CHRNA7: variants seen among roughly 807,000 people sequenced by gnomAD.
The protein encoded by CHRNA7 is neuronal acetylcholine receptor subunit alpha-7.
A neutral mutation model predicts 48.0 loss-of-function variants in CHRNA7; 17 were observed. That is an observed-to-expected ratio of 0.35 (90% CI 0.24 to 0.53). The LOEUF (loss-of-function observed/expected upper bound fraction) is 0.53. Among genes scored for constraint, CHRNA7 ranks in the 20% least tolerant of loss-of-function variants. The pLI is 0.92. For synonymous variants in CHRNA7, 75 were observed against 242.3 expected (o/e 0.31, Z 6.41); for missense variants, 155 against 577.7 (o/e 0.27, Z 7.50).
At chr15:32,103,466 G>A (rs549124598) in intron 3 of CHRNA7, among the ~76,000 whole-genome samples, 1 of 151,952 alleles carries the variant, frequency 6.6e-6, no homozygotes, top group South Asian at 2.1e-4. Flanking sequence ...GCCATTGCTA[G>A]GTCTCCAAGG....
chr15:32,133,350 T>C (rs757846492), intron 4 of CHRNA7, among the ~76,000 whole-genome samples: 9 of 152,164 alleles, frequency 5.9e-5, no homozygotes, highest in Non-Finnish European at 1.2e-4. Context: ...TACGTAAAAC[T>C]GTTAGAAGGA....
chr15:32,111,954 A>G, intron 4 of CHRNA7, 55 bp downstream of exon 4: 2 of 1,004,600 alleles, frequency 2.0e-6, no homozygotes, highest in South Asian at 2.5e-5. Context: ...ACATGTAGCT[A>G]TCACGTATAT....
At chr15:32,163,028 A>G in intron 8 of CHRNA7, 198 bp from the exon 9 acceptor site, 1 of 181,836 alleles carries the variant, frequency 5.5e-6, no homozygotes, top group Non-Finnish European at 9.9e-6. Context: ...AAGTGAGGGA[A>G]GGTCACTCCG....
chr15:32,050,341 G>A (rs560116180), intron 2 of CHRNA7, among the ~76,000 whole-genome samples: 88 of 152,144 alleles, frequency 5.8e-4, no homozygotes, highest in Middle Eastern at 3.4e-3. Flanking sequence ...GGCTTTGTTC[G>A]TTTCTTTTTA....
intron 2 of CHRNA7, among the ~76,000 whole-genome samples, chr15:32,073,683 C>T (rs559540298): frequency 6.6e-6 from 1 of 152,238 alleles, no homozygotes; most frequent in Non-Finnish European, 1.5e-5. Context: ...GCTTGCTGCT[C>T]TCCCCACTGT....
At position 32,030,598 on chromosome 15, in the gene CHRNA7, C is replaced by T. The variant is rs1189881567; in HGVS notation, c.4C>T (p.Arg2Cys). 2 of 1,551,988 alleles carry T rather than the reference C, an allele frequency of 1.3e-6. No individual in the cohort carries two copies. Among genetic ancestry groups the T allele is most frequent in the Non-Finnish European group, 8.6e-7 (1 of 1,156,332 alleles). M[R>C]CSPGGVWLAL... ...CGCTGCAGCTCCGGGACTCAACATG[C>T]GCTGCTCGCCGGGAGGCGTCTGGCT... Residue 2 changes from arginine to cysteine, a missense_variant, in exon 1 of 10, where the codon CGC becomes TGC. Transcript: ENST00000306901.
chr15:32,149,144 C>A lies in CHRNA7; in HGVS notation c.351-4763C>A, dbSNP rs2051561862. Among the ~76,000 whole-genome samples the A allele has an allele frequency of 6.6e-6, 1 of 152,254 alleles. No individual in the cohort carries two copies. The highest frequency in any genetic ancestry group is 2.1e-4 in the South Asian group (1 of 4,832). ...GAGAGGCCACAGGCCGGCATCTTCA[C>A]AAACTGTGGATGTACTGTGTCTTCC... On this transcript the variant is annotated intron_variant, in intron 4 of 9. Coordinates refer to ENST00000306901, the MANE Select transcript of CHRNA7 (RefSeq NM_000746.6). The surrounding 1 kb of genome is among the most constrained non-coding windows in gnomAD (Gnocchi z 4.6).
rs944492932 is a variant in CHRNA7, at chr15:32,121,455, G to A, written c.350+9556G>A. ...TCCTGAAATTAAATGGCTTGTTGAC[G>A]CAGTTCTGAGGCCTTGACTCCACAT... On this transcript the variant is annotated intron_variant, in intron 4 of 9. Transcript: ENST00000306901. Among the ~76,000 whole-genome samples, 26 of 152,208 alleles carry A rather than the reference G, an allele frequency of 1.7e-4. 1 individual carries two copies. The highest frequency in any genetic ancestry group is 6.3e-4 in the African/African-American group (26 of 41,458).
intron 4 of CHRNA7, among the ~76,000 whole-genome samples, chr15:32,114,350 C>T (rs1323560586): frequency 1.3e-5 from 2 of 152,096 alleles, no homozygotes; most frequent in Non-Finnish European, 2.9e-5. Context: ...ATAGAGCAGT[C>T]TCTACCTGAC....
chr15:32,118,589 C>G (rs576617000), intron 4 of CHRNA7, among the ~76,000 whole-genome samples: 10 of 152,278 alleles, frequency 6.6e-5, no homozygotes, highest in Admixed American at 4.6e-4. Flanking sequence ...TCCGAACTGT[C>G]CATCTCACTC....
rs1343154903 is a variant in CHRNA7 at position 32,047,665 on chromosome 15, C to T, written c.195+16628C>T. On this transcript the variant is annotated intron_variant, in intron 2 of 9. Coordinates refer to ENST00000306901, the MANE Select transcript of CHRNA7 (RefSeq NM_000746.6). Reference sequence around the variant, plus strand: ...TTTCCTAATTGAATACCCTTTATTTCCTTCTCCTGCCTGATTGCTCCGGCC... The same window carrying T: ...TTTCCTAATTGAATACCCTTTATTTTCTTCTCCTGCCTGATTGCTCCGGCC... 1.7e-4 allele frequency among the ~76,000 whole-genome samples: 26 copies of T among 152,232 alleles called. 1 individual carries two copies. In the East Asian group the frequency reaches 4.6e-3, roughly 27 times the overall value.
rs12908877 is a variant in CHRNA7 at position 32,031,251 on chromosome 15, A to G, written c.195+214A>G. Among the ~76,000 whole-genome samples, 82,842 of 151,982 alleles carry G rather than the reference A, an allele frequency of 0.55. 27,579 individuals carry two copies. The highest frequency in any genetic ancestry group is 0.73 in the Non-Finnish European group (49,857 of 67,958). ...CCTCCAGCCAAGGAGGGACCTGGTA[A>G]AGCTTATTCCATCACCCTGGCCACC... On this transcript the variant is annotated intron_variant, in intron 2 of 9. Transcript: ENST00000306901.
intron 4 of CHRNA7, among the ~76,000 whole-genome samples, chr15:32,127,058 G>A (rs375451723): frequency 5.3e-5 from 8 of 152,074 alleles, no homozygotes; most frequent in Non-Finnish European, 1.0e-4. Context: ...GCCACATCCC[G>A]CTTGTCCCTA....
At chr15:32,077,326 C>G (rs1212144554) in intron 2 of CHRNA7, among the ~76,000 whole-genome samples, 1 of 152,130 alleles carries the variant, frequency 6.6e-6, no homozygotes, top group Non-Finnish European at 1.5e-5. Flanking sequence ...AGGGCAATTG[C>G]TGGATTAAAT....
chr15:32,034,325 A>G (rs538930365), intron 2 of CHRNA7, among the ~76,000 whole-genome samples: 1 of 152,320 alleles, frequency 6.6e-6, no homozygotes, highest in South Asian at 2.1e-4. Flanking sequence ...GTTGATCTTT[A>G]CTACAGGTTT....
At chr15:32,086,906 C>T (rs2050306940) in intron 2 of CHRNA7, among the ~76,000 whole-genome samples, 1 of 152,122 alleles carries the variant, frequency 6.6e-6, no homozygotes, top group South Asian at 2.1e-4. Flanking sequence ...CTTACTGTTG[C>T]TGTGGGCCTT....
At chr15:32,113,294 A>G (rs1391552926) in intron 4 of CHRNA7, among the ~76,000 whole-genome samples, 1 of 151,898 alleles carries the variant, frequency 6.6e-6, no homozygotes, top group Non-Finnish European at 1.5e-5. Flanking sequence ...TCCTGTAAGC[A>G]CTGCAGTCAA....
chr15:32,150,011 T>C (rs1359412708), intron 4 of CHRNA7, among the ~76,000 whole-genome samples: 1 of 152,054 alleles, frequency 6.6e-6, no homozygotes, highest in Non-Finnish European at 1.5e-5. Flanking sequence ...ACCACACTAT[T>C]CTTAATTTTT....
At chr15:32,159,056 G>A (rs1369652167) in intron 7 of CHRNA7, 2 of 218,324 alleles carry the variant, frequency 9.2e-6, no homozygotes, top group Admixed American at 5.1e-5. Context: ...GGTGGAATGA[G>A]TTTCCCAATG....
Sources: allele counts gnomAD v4.1 joint callset (sites outside exome capture counted in the v4.1 genomes callset), GRCh38; gene constraint gnomAD v4.1.1; non-coding constraint Gnocchi (gnomAD v3.1); transcripts MANE v1.5; gene names NCBI Gene and HGNC (gene_info 2026-07-23, HGNC 2026-07-21).